Variants in ILDR2 observed in about 807,000 individuals in gnomAD.
ILDR2 encodes immunoglobulin-like domain-containing receptor 2.
A neutral mutation model predicts 66.8 loss-of-function variants in ILDR2; 25 were observed. The observed-to-expected ratio is 0.37, with a 90% CI of 0.27 to 0.52. The LOEUF is 0.52. Among genes scored for constraint, ILDR2 ranks in the 20% least tolerant of loss-of-function variants. The pLI, the probability that ILDR2 is intolerant of heterozygous loss-of-function variation, is 0.88. For synonymous variants in ILDR2, 367 were observed against 357.2 expected (o/e 1.03, Z -0.31); for missense variants, 827 against 876.8 (o/e 0.94, Z 0.72).
intron 6 of ILDR2, among the ~76,000 whole-genome samples, chr1:166,929,666 A>G (rs1457529399): frequency 1.3e-5 from 2 of 152,216 alleles, no homozygotes; most frequent in Admixed American, 6.5e-5. Flanking sequence ...CTGTATCCCC[A>G]GCACCTAGCA....
chr1:166,967,992 A>G (rs1663062808), intron 1 of ILDR2, among the ~76,000 whole-genome samples: 1 of 152,106 alleles, frequency 6.6e-6, no homozygotes, highest in South Asian at 2.1e-4. Flanking sequence ...TGCTTTCTGC[A>G]AGTGTCCCCT....
rs1356873753 is a variant in ILDR2 at position 166,912,360 on chromosome 1, T to C, written c.*6995A>G. 2.0e-5 allele frequency: 3 copies of C among 152,084 alleles called. No individual in the cohort carries two copies. Among genetic ancestry groups the C allele is most frequent in the Admixed American group, 2.0e-4 (3 of 15,278 alleles). 9.4% of individuals were successfully genotyped at this position (152,084 alleles called of 1,614,324 possible). ...CAACAAATCATTACTGAAGTAAACT[T>C]CCTTCAGAAAGAAAATATTTCAAAA... On this transcript the variant is annotated 3_prime_UTR_variant, in exon 10 of 10. Coordinates refer to ENST00000271417, the MANE Select transcript of ILDR2 (RefSeq NM_199351.3).
rs987204430 is a variant in ILDR2, at chr1:166,975,358, G to C, written c.-90C>G. ...CGCTGTCACCCCGCGGCAGCGGGCG[G>C]CGGCGGAGCGGCGGGCACCGGGCGT... is the stretch of plus-strand genomic sequence containing the variant. On this transcript the variant is annotated 5_prime_UTR_variant, in exon 1 of 10. Transcript: ENST00000271417. The C allele has an allele frequency of 1.8e-4, 204 of 1,118,760 alleles. 1 individual carries two copies. Among genetic ancestry groups the C allele is most frequent in the Middle Eastern group, 2.8e-4 (1 of 3,604 alleles). The allele number at this position is 1,118,760 out of a possible 1,614,324, so 69.3% of individuals were successfully genotyped here.
intron 7 of ILDR2, among the ~76,000 whole-genome samples, chr1:166,925,029 G>A (rs1358762825): frequency 6.6e-6 from 1 of 151,968 alleles, no homozygotes; most frequent in African/African-American, 2.4e-5. Flanking sequence ...AAAAAAGGAA[G>A]TGAAATATAT....
At chr1:166,965,253 T>C (rs1662868531) in intron 1 of ILDR2, among the ~76,000 whole-genome samples, 1 of 152,198 alleles carries the variant, frequency 6.6e-6, no homozygotes. Context: ...TTTGCAATAT[T>C]TGCATACATA....
intron 1 of ILDR2, among the ~76,000 whole-genome samples, chr1:166,968,296 C>T (rs914376009): frequency 5.3e-5 from 8 of 152,146 alleles, no homozygotes; most frequent in African/African-American, 1.9e-4. Flanking sequence ...GATTCTCCTT[C>T]CCCCATCCCA....
intron 3 of ILDR2, among the ~76,000 whole-genome samples, chr1:166,953,352 C>A (rs1183953688): frequency 6.6e-6 from 1 of 152,230 alleles, no homozygotes; most frequent in African/African-American, 2.4e-5. Flanking sequence ...AGATACTTCA[C>A]AATCTTGCTC....
At chr1:166,902,180 T>C (rs1431666414) in intron 2 of ILDR2, among the ~76,000 whole-genome samples, 1 of 152,258 alleles carries the variant, frequency 6.6e-6, no homozygotes, top group Non-Finnish European at 1.5e-5. Context: ...TTTTGACAGA[T>C]GCAAAAGTCT....
At chr1:166,957,442 T>A (rs1248220569) in intron 2 of ILDR2, among the ~76,000 whole-genome samples, 2 of 152,166 alleles carry the variant, frequency 1.3e-5, no homozygotes. Flanking sequence ...AGGTATAGGA[T>A]GTTTGGCTGA....
chr1:166,908,332 G>A lies in ILDR2; in HGVS notation c.*11023C>T, dbSNP rs1420035931. The A allele has an allele frequency of 6.6e-6, 1 of 152,234 alleles. No homozygotes were observed. The highest frequency in any genetic ancestry group is 6.5e-5 in the Admixed American group (1 of 15,280). 9.4% of individuals were successfully genotyped at this position (152,234 alleles called of 1,614,324 possible). A position where few individuals can be genotyped will look rare whatever the true frequency, so the allele number is the denominator to read the frequency against. On this transcript the variant is annotated 3_prime_UTR_variant, in exon 10 of 10. Transcript: ENST00000271417. ...GCTGTATCCTCACATGGCAGAGAAA[G>A]AGAGGAAGTAATCTCTCTCCTGTCT...
chr1:166,937,721 G>A (rs1661067832), intron 4 of ILDR2, among the ~76,000 whole-genome samples: 1 of 152,202 alleles, frequency 6.6e-6, no homozygotes, highest in Non-Finnish European at 1.5e-5. Flanking sequence ...CTTGGCTACA[G>A]GACCCAACTT....
rs201287191 is a variant in ILDR2, at chr1:166,948,177, T to TC, written c.499+8555dup. On this transcript the variant is annotated intron_variant, in intron 3 of 9. Transcript: ENST00000271417. ...AGGTGGAGGTGAGCCGACACTAATTTCCCCCCCAACCCTCTGGATCTTCTG... is the reference window on the plus strand; with the variant it reads ...AGGTGGAGGTGAGCCGACACTAATTTCCCCCCCCAACCCTCTGGATCTTCTG... Among the ~76,000 whole-genome samples, 833 of 151,744 alleles carry TC rather than the reference T, an allele frequency of 5.5e-3. 10 individuals carry two copies. Among genetic ancestry groups the TC allele is most frequent in the African/African-American group, 0.019 (787 of 41,370 alleles).
intron 3 of ILDR2, among the ~76,000 whole-genome samples, chr1:166,947,643 C>T (rs1403604778): frequency 2.0e-5 from 3 of 152,192 alleles, no homozygotes; most frequent in Non-Finnish European, 4.4e-5. Context: ...GCCACCCACT[C>T]TCGCGCCTGC....
At chr1:166,932,599 A>C (rs946447702) in intron 6 of ILDR2, among the ~76,000 whole-genome samples, 1 of 152,224 alleles carries the variant, frequency 6.6e-6, no homozygotes, top group Non-Finnish European at 1.5e-5. Context: ...GATCCAGAGC[A>C]GCACAGGAGC....
At chr1:166,972,569 C>T (rs918229449) in intron 1 of ILDR2, among the ~76,000 whole-genome samples, 1 of 152,104 alleles carries the variant, frequency 6.6e-6, no homozygotes, top group Non-Finnish European at 1.5e-5. Flanking sequence ...TAAGGAATCA[C>T]AAGGCTAAAT....
chr1:166,925,128 G>A (rs1213666000), intron 7 of ILDR2, among the ~76,000 whole-genome samples: 1 of 152,134 alleles, frequency 6.6e-6, no homozygotes, highest in Non-Finnish European at 1.5e-5. Flanking sequence ...ATTTAGAAGG[G>A]CAAAGCAAAT....
At position 166,922,839 on chromosome 1, in the gene ILDR2, C is replaced by A. The variant is rs752512857; in HGVS notation, c.995-30G>T. On this transcript the variant is annotated intron_variant, in intron 7 of 9. Coordinates refer to ENST00000271417, the MANE Select transcript of ILDR2 (RefSeq NM_199351.3). ...AGGGACAAAATCAGGCATGATAGAG[C>A]TTTTTGTGTTACTCTGTTTTAGACA... is the stretch of plus-strand genomic sequence containing the variant. 14 of 1,574,982 alleles carry A rather than the reference C, an allele frequency of 8.9e-6. No individual in the cohort carries two copies. In the Admixed American group the frequency reaches 2.3e-4, roughly 26 times the overall value.
Position 166,914,052 on chromosome 1 carries a change from T to G in ILDR2, c.*5303A>C, listed in dbSNP as rs1659546772. On this transcript the variant is annotated 3_prime_UTR_variant, in exon 10 of 10. Coordinates refer to ENST00000271417, the MANE Select transcript of ILDR2 (RefSeq NM_199351.3). ...ATTGCTTGAGCTAGGAGTTTGAGAC[T>G]GCAGTGAGCTGATAGCACCACTGCA... 1.3e-5 allele frequency: 2 copies of G among 150,094 alleles called. No homozygotes were observed. The highest frequency in any genetic ancestry group is 1.3e-4 in the Admixed American group (2 of 14,960). The allele number at this position is 150,094 out of a possible 1,614,324, so 9.3% of individuals were successfully genotyped here. A position where few individuals can be genotyped will look rare whatever the true frequency, so the allele number is the denominator to read the frequency against.
At chr1:166,929,763 T>TA (rs1660523067) in intron 6 of ILDR2, among the ~76,000 whole-genome samples, 1 of 152,214 alleles carries the variant, frequency 6.6e-6, no homozygotes, top group Non-Finnish European at 1.5e-5. Flanking sequence ...AAACTGGGAA[T>TA]AGAAACCATA....
Sources: gnomAD v4.1 joint callset for allele counts (sites outside exome capture counted in the v4.1 genomes callset) on GRCh38, gnomAD v4.1.1 for gene constraint, MANE v1.5 for transcripts, NCBI Gene and HGNC (gene_info 2026-07-23, HGNC 2026-07-21) for gene names.